The following COMMD10 variants were observed in gnomAD, a reference collection of about 807,000 sequenced individuals.
COMMD10 encodes the protein COMM domain-containing protein 10.
Under a neutral mutation model 28.9 loss-of-function variants are expected in COMMD10, and 33 were observed. The ratio of observed to expected loss-of-function variants is 1.14; its 90% CI spans 0.87 to 1.53. The LOEUF (loss-of-function observed/expected upper bound fraction) is 1.53. COMMD10 is among the 40% of genes most tolerant of loss of function. COMMD10 has a pLI of 0.00. For missense variants in COMMD10, 310 were observed against 233.4 expected (o/e 1.33, Z -2.14); for synonymous variants, 110 against 81.7 (o/e 1.35, Z -1.87).
chr5:116,148,249 T>G (rs1424448598), intron 5 of COMMD10, among the ~76,000 whole-genome samples: 2 of 151,860 alleles, frequency 1.3e-5, no homozygotes, highest in Non-Finnish European at 2.9e-5. Context: ...ATTAACATGT[T>G]TAGACATATA....
At chr5:116,244,195 G>A (rs1020035394) in intron 5 of COMMD10, among the ~76,000 whole-genome samples, 1 of 152,016 alleles carries the variant, frequency 6.6e-6, no homozygotes, top group African/African-American at 2.4e-5. Flanking sequence ...GGTAAAAGAA[G>A]AGACTGCTTT....
chr5:116,197,570 A>C (rs1561662628), intron 5 of COMMD10, among the ~76,000 whole-genome samples: 1 of 151,952 alleles, frequency 6.6e-6, no homozygotes, highest in Non-Finnish European at 1.5e-5. Flanking sequence ...TTTTTTGTAG[A>C]GACAGGTTCT....
intron 5 of COMMD10, among the ~76,000 whole-genome samples, chr5:116,195,469 A>G (rs796665870): frequency 1.2e-4 from 19 of 152,328 alleles, no homozygotes; most frequent in African/African-American, 4.3e-4. Flanking sequence ...GTTTCCGGAT[A>G]CAAGATTAAT....
rs11337562 is a variant in COMMD10 at position 116,292,423 on chromosome 5, CTTTT to C, written c.571-18_571-15del. On this transcript the variant is annotated intron_variant, in intron 6 of 6. Transcript: ENST00000274458. Reference sequence around the variant, plus strand: ...TGAGTTTCGTTCCCTTCACTAACGTCTTTTTTTTTTTTTGTCTTTGTAAATAGCT... The same window carrying C: ...TGAGTTTCGTTCCCTTCACTAACGTCTTTTTTTTTGTCTTTGTAAATAGCT... 41 of 1,268,836 alleles carry C rather than the reference CTTTT, an allele frequency of 3.2e-5. No individual in the cohort carries two copies. Among genetic ancestry groups the C allele is most frequent in the South Asian group, 8.3e-5 (5 of 60,190 alleles). The allele number at this position is 1,268,836 out of a possible 1,614,324, so 78.6% of individuals were successfully genotyped here.
intron 4 of COMMD10, among the ~76,000 whole-genome samples, chr5:116,096,167 G>T (rs1489902435): frequency 2.6e-5 from 4 of 151,928 alleles, no homozygotes; most frequent in Non-Finnish European, 5.9e-5. Flanking sequence ...ATTGATTGGG[G>T]TTGTGTTTAA....
At chr5:116,250,767 A>G (rs746886744) in intron 5 of COMMD10, among the ~76,000 whole-genome samples, 4 of 151,956 alleles carry the variant, frequency 2.6e-5, no homozygotes, top group Non-Finnish European at 5.9e-5. Context: ...ATCTGCAAGG[A>G]TGAAGATACA....
In COMMD10 at chr5:116,114,495, A is replaced by G. The variant is rs184226230; in HGVS notation, c.400-19573A>G. 3.1e-4 allele frequency among the ~76,000 whole-genome samples: 47 copies of G among 152,178 alleles called. No individual in the cohort carries two copies. The East Asian group carries it at 8.7e-3, about 28-fold the overall frequency. On this transcript the variant is annotated intron_variant, in intron 4 of 6. Transcript: ENST00000274458. ...AGTAATGGCAGGGTTTTTATGCCCAAACTCTGTCCCCTGGGAGAAGTGCTT... is the reference window on the plus strand; with the variant it reads ...AGTAATGGCAGGGTTTTTATGCCCAGACTCTGTCCCCTGGGAGAAGTGCTT...
chr5:116,177,525 A>AT (rs1753555303), intron 5 of COMMD10, among the ~76,000 whole-genome samples: 1 of 145,314 alleles, frequency 6.9e-6, no homozygotes, highest in Non-Finnish European at 1.5e-5. Context: ...TGTCTAAGTG[A>AT]CCCCCCCCAC....
At chr5:116,218,010 A>C in intron 5 of COMMD10, 1 of 1,005,100 alleles carries the variant, frequency 9.9e-7, no homozygotes. Flanking sequence ...CAGTTATCAA[A>C]AATGCACACA....
At chr5:116,196,434 A>G (rs1748523341) in intron 5 of COMMD10, among the ~76,000 whole-genome samples, 1 of 152,020 alleles carries the variant, frequency 6.6e-6, no homozygotes, top group South Asian at 2.1e-4. Flanking sequence ...AATCTCACAA[A>G]TCTCCACTAA....
Position 116,156,719 on chromosome 5 carries a change from G to T in COMMD10, c.510+22541G>T, listed in dbSNP as rs187403076. Reference sequence around the variant, plus strand: ...CCATAACCCCCTCAAGTTAGAAGAAGTTCTTTATAATTCTTTTAGAGACAT... The same window carrying T: ...CCATAACCCCCTCAAGTTAGAAGAATTTCTTTATAATTCTTTTAGAGACAT... On this transcript the variant is annotated intron_variant, in intron 5 of 6. Coordinates refer to ENST00000274458, the MANE Select transcript of COMMD10 (RefSeq NM_016144.4). Among the ~76,000 whole-genome samples, 167 of 152,202 alleles carry T rather than the reference G, an allele frequency of 1.1e-3. 1 individual carries two copies. The highest frequency in any genetic ancestry group is 2.5e-3 in the Admixed American group (38 of 15,266).
chr5:116,118,545 G>A (rs1394103069), intron 4 of COMMD10, among the ~76,000 whole-genome samples: 1 of 152,146 alleles, frequency 6.6e-6, no homozygotes, highest in Non-Finnish European at 1.5e-5. Context: ...ACAATAAAAG[G>A]AGGAGGCTAT....
In COMMD10 at chr5:116,092,553, T is replaced by C; in HGVS notation, c.252T>C (p.Tyr84=). The change falls in exon 4 of 7, where the codon TAT becomes TAC. Residue 84 remains tyrosine (Y), a synonymous_variant. Coordinates refer to ENST00000274458, the MANE Select transcript of COMMD10 (RefSeq NM_016144.4). ...TTGTTTCTTTTTAATAGGCAGTGTA[T>C]CACAATGTGAAGCCAGCAGCTTTGC... ...TISFILEQAV[Y]HNVKPAALQQ... 3 of 1,596,376 alleles carry C rather than the reference T, an allele frequency of 1.9e-6. No homozygotes were observed. The highest frequency in any genetic ancestry group is 2.6e-6 in the Non-Finnish European group (3 of 1,171,756).
chr5:116,090,426 C>T (rs2112709002), intron 2 of COMMD10, among the ~76,000 whole-genome samples: 1 of 152,282 alleles, frequency 6.6e-6, no homozygotes, highest in Non-Finnish European at 1.5e-5. Context: ...ACTTGCATAG[C>T]TGGGAACTTA....
intron 5 of COMMD10, among the ~76,000 whole-genome samples, chr5:116,221,154 C>T (rs1284967254): frequency 6.6e-6 from 1 of 150,996 alleles, no homozygotes; most frequent in Non-Finnish European, 1.5e-5. Flanking sequence ...TCCTGCATAC[C>T]AGTGAAACTA....
rs566740603 is a variant in COMMD10, at chr5:116,238,635, C to A, written c.511-52882C>A. Among the ~76,000 whole-genome samples the A allele has an allele frequency of 6.6e-5, 10 of 152,152 alleles. No homozygotes were observed. The South Asian group carries it at 1.9e-3, about 28-fold the overall frequency. On this transcript the variant is annotated intron_variant, in intron 5 of 6. Coordinates refer to ENST00000274458, the MANE Select transcript of COMMD10 (RefSeq NM_016144.4). ...GAAAATTAAAAAATATGTAGGCTCCCCAGGAGTTCATATTCAATTTAACAA... is the reference window on the plus strand; with the variant it reads ...GAAAATTAAAAAATATGTAGGCTCCACAGGAGTTCATATTCAATTTAACAA...
At chr5:116,158,750 T>G (rs1752822302) in intron 5 of COMMD10, among the ~76,000 whole-genome samples, 1 of 152,076 alleles carries the variant, frequency 6.6e-6, no homozygotes, top group South Asian at 2.1e-4. Flanking sequence ...TTCCTGTCTT[T>G]GTAGTTTTGA....
chr5:116,087,686 A>G (rs927085421), intron 2 of COMMD10, 99 bp downstream of exon 2: 26 of 782,620 alleles, frequency 3.3e-5, no homozygotes, highest in Admixed American at 1.4e-4. Context: ...GTGTTCTCCA[A>G]TATGTTCTTA....
chr5:116,203,543 C>T (rs1353309181), intron 5 of COMMD10, among the ~76,000 whole-genome samples: 12 of 152,202 alleles, frequency 7.9e-5, no homozygotes, highest in East Asian at 3.9e-4. Flanking sequence ...GCGGATCTCT[C>T]GGCAGAAACT....
Sources: gnomAD v4.1 joint callset for allele counts (sites outside exome capture counted in the v4.1 genomes callset) on GRCh38, gnomAD v4.1.1 for gene constraint, MANE v1.5 for transcripts, NCBI Gene and HGNC (gene_info 2026-07-23, HGNC 2026-07-21) for gene names.